The following CNTNAP2 variants were observed in gnomAD, a reference collection of about 807,000 sequenced individuals.
CNTNAP2 encodes the protein contactin associated protein 2, also known as contactin-associated protein-like 2.
A neutral mutation model predicts 155.2 loss-of-function variants in CNTNAP2; 98 were observed. That is an observed-to-expected ratio of 0.63 (90% confidence interval 0.54 to 0.75). The LOEUF is 0.75. Ranked by LOEUF, CNTNAP2 falls within the 30% of genes least tolerant of loss-of-function variation. The pLI is 0.00. For missense variants in CNTNAP2, 1,727 were observed against 1,688.1 expected, an observed-to-expected ratio of 1.02 and a Z score of -0.40; for synonymous variants, 651 against 631.2, an observed-to-expected ratio of 1.03 and a Z score of -0.47.
chr7:146,435,438 G>A (rs1202564609), intron 1 of CNTNAP2, among the ~76,000 whole-genome samples: 1 of 152,156 alleles, frequency 6.6e-6, no homozygotes, highest in East Asian at 1.9e-4. Context: ...CTAGTTAAAA[G>A]AATTGTGTGC....
Position 147,903,628 on chromosome 7 carries a change from C to T in CNTNAP2, c.2162C>T (p.Ser721Phe). The T allele has an allele frequency of 6.2e-7, 1 of 1,614,172 alleles. No individual in the cohort carries two copies. The highest frequency in any genetic ancestry group is 8.5e-7 in the Non-Finnish European group (1 of 1,180,030). Residue 721 changes from serine (S) to phenylalanine (F), a missense_variant, in exon 14 of 24, where the codon TCT (serine) becomes TTT (phenylalanine). Coordinates refer to ENST00000361727, the MANE Select transcript of CNTNAP2 (RefSeq NM_014141.6). ...GAGAAGCACTACTACTGGGGAGGCT[C>T]TGGGCCTGGAATCCAGAAATGTGCC... ...ANEKHYYWGG[S>F]GPGIQKCACG...
In CNTNAP2 at chr7:147,978,192, G is replaced by A. The variant is rs1351379048; in HGVS notation, c.2383+203G>A. On this transcript the variant is annotated intron_variant, in intron 15 of 23. Transcript: ENST00000361727. ...GAGCCGAGATTTGGGCATAAAGTGGGGATATCCATCTTTCCTCTATATTCA... is the reference window on the plus strand; with the variant it reads ...GAGCCGAGATTTGGGCATAAAGTGGAGATATCCATCTTTCCTCTATATTCA... The A allele has an allele frequency of 8.0e-6, 5 of 628,874 alleles. No individual in the cohort carries two copies. The East Asian group carries it at 1.5e-4, about 19-fold the overall frequency. 39.0% of individuals were successfully genotyped at this position (628,874 alleles called of 1,614,324 possible).
rs376677945 is a variant in CNTNAP2, at chr7:146,735,570, A to T, written c.98-38701A>T. 6.5e-4 allele frequency among the ~76,000 whole-genome samples: 98 copies of T among 151,078 alleles called. 2 individuals carry two copies. In the South Asian group the frequency reaches 0.018, roughly 28 times the overall value. On this transcript the variant is annotated intron_variant, in intron 1 of 23. Coordinates refer to ENST00000361727, the MANE Select transcript of CNTNAP2 (RefSeq NM_014141.6). ...ACTCTGTCTCAAAAAAACACCAACAACTTGGTTTGAAACATGTATATATAA... is the reference window on the plus strand; with the variant it reads ...ACTCTGTCTCAAAAAAACACCAACATCTTGGTTTGAAACATGTATATATAA...
chr7:146,742,321 TCCACTGCCAA>T (rs1801732074), intron 1 of CNTNAP2, among the ~76,000 whole-genome samples: 1 of 152,136 alleles, frequency 6.6e-6, no homozygotes, highest in Non-Finnish European at 1.5e-5. Context: ...CTTTTCACAT[TCCACTGCCAA>T]CCACTGACCA....
intron 12 of CNTNAP2, among the ~76,000 whole-genome samples, chr7:147,621,324 G>A (rs1048025815): frequency 2.6e-5 from 4 of 151,878 alleles, no homozygotes; most frequent in African/African-American, 4.8e-5. Context: ...TAAGTACACA[G>A]AAAAACATGG....
At chr7:146,749,461 T>C (rs992097914) in intron 1 of CNTNAP2, among the ~76,000 whole-genome samples, 2 of 152,250 alleles carry the variant, frequency 1.3e-5, no homozygotes, top group Non-Finnish European at 2.9e-5. Context: ...TAATTTAAAC[T>C]TGTGTGTATG....
chr7:147,125,321 G>A (rs557439876), intron 6 of CNTNAP2, among the ~76,000 whole-genome samples: 1 of 152,172 alleles, frequency 6.6e-6, no homozygotes, highest in African/African-American at 2.4e-5. Context: ...GGCATATATG[G>A]ACATTTTTTG....
chr7:146,685,870 G>A (rs1228692829), intron 1 of CNTNAP2, among the ~76,000 whole-genome samples: 2 of 152,122 alleles, frequency 1.3e-5, no homozygotes, highest in Non-Finnish European at 1.5e-5. Flanking sequence ...GCTGAAAGAG[G>A]AAAACATTCA....
intron 2 of CNTNAP2, 100 bp from the exon 3 acceptor site, chr7:146,839,611 A>G: frequency 1.6e-6 from 2 of 1,235,474 alleles, no homozygotes; most frequent in South Asian, 2.5e-5. Context: ...GAAATAGAGC[A>G]CTGCCAAGAC....
chr7:147,041,563 A>G (rs1407470649), intron 3 of CNTNAP2, among the ~76,000 whole-genome samples: 1 of 151,618 alleles, frequency 6.6e-6, no homozygotes, highest in Admixed American at 6.6e-5. Context: ...CTGAGCTCTA[A>G]CTCTGTAGAA....
At chr7:147,842,679 T>A (rs1280897672) in intron 13 of CNTNAP2, among the ~76,000 whole-genome samples, 1 of 108,182 alleles carries the variant, frequency 9.2e-6, no homozygotes, top group African/African-American at 3.6e-5. Context: ...GCCATGCTGG[T>A]GCGCTGCACC....
intron 3 of CNTNAP2, among the ~76,000 whole-genome samples, chr7:146,983,627 G>A (rs1360748797): frequency 6.6e-6 from 1 of 152,156 alleles, no homozygotes; most frequent in Non-Finnish European, 1.5e-5. Context: ...ATGTATGGGT[G>A]TACCCATAGT....
At chr7:147,499,638 C>T (rs1453292626) in intron 11 of CNTNAP2, among the ~76,000 whole-genome samples, 6 of 152,154 alleles carry the variant, frequency 3.9e-5, no homozygotes, top group Non-Finnish European at 7.3e-5. Context: ...CCCAATTTCC[C>T]AAATTTTACC....
At chr7:148,374,302 G>A (rs1798942803) in intron 21 of CNTNAP2, among the ~76,000 whole-genome samples, 1 of 152,072 alleles carries the variant, frequency 6.6e-6, no homozygotes, top group South Asian at 2.1e-4. Context: ...ACTACTTTCT[G>A]TTTTACTGAA....
chr7:147,461,799 A>C (rs988928989), intron 10 of CNTNAP2, among the ~76,000 whole-genome samples: 1 of 152,168 alleles, frequency 6.6e-6, no homozygotes, highest in African/African-American at 2.4e-5. Flanking sequence ...CAGTAGAATC[A>C]TTGGTGCAGT....
rs1359607683 is a variant in CNTNAP2, at chr7:148,375,948, C to T, written c.3476-7701C>T. Among the ~76,000 whole-genome samples the T allele has an allele frequency of 3.4e-5, 2 of 58,266 alleles. 1 individual carries two copies. The highest frequency in any genetic ancestry group is 8.4e-5 in the African/African-American group (2 of 23,828). The allele number at this position is 58,266 out of a possible 152,430, so 38.2% of individuals were successfully genotyped here. A position where few individuals can be genotyped will look rare whatever the true frequency, so the allele number is the denominator to read the frequency against. ...CTGGGAGGTGGAGGTTGCAGTGAGC[C>T]GAGATTGCGCCACTGCACTCCAGCC... On this transcript the variant is annotated intron_variant, in intron 21 of 23. Transcript: ENST00000361727.
intron 13 of CNTNAP2, among the ~76,000 whole-genome samples, chr7:147,888,420 G>A (rs538027121): frequency 6.6e-6 from 1 of 152,112 alleles, no homozygotes; most frequent in Admixed American, 6.5e-5. Flanking sequence ...CCCAGTGAGA[G>A]TTGTCAAATA....
intron 10 of CNTNAP2, among the ~76,000 whole-genome samples, chr7:147,429,140 G>A (rs1217177956): frequency 6.7e-6 from 1 of 148,162 alleles, no homozygotes; most frequent in East Asian, 1.9e-4. Context: ...GTATTCCATG[G>A]TGTGTGTTTG....
chr7:146,846,238 C>T (rs2727625), intron 3 of CNTNAP2, among the ~76,000 whole-genome samples: 3,785 of 152,172 alleles, frequency 0.025, 76 homozygotes, highest in Non-Finnish European at 0.039. Context: ...CATCTACATT[C>T]CTGCTGCCAT....
Sources: gnomAD v4.1 joint callset for allele counts (sites outside exome capture counted in the v4.1 genomes callset) on GRCh38, gnomAD v4.1.1 for gene constraint, MANE v1.5 for transcripts, NCBI Gene and HGNC (gene_info 2026-07-23, HGNC 2026-07-21) for gene names.